GLRX3: variants seen among roughly 807,000 people sequenced by gnomAD.
GLRX3 encodes the protein glutaredoxin 3.
A neutral mutation model predicts 49.5 loss-of-function variants in GLRX3; 22 were observed. The observed-to-expected ratio is 0.44, with a 90% confidence interval of 0.32 to 0.63. The LOEUF is 0.63. Among genes scored for constraint, GLRX3 ranks in the 30% least tolerant of loss-of-function variants. The pLI is 0.05. For synonymous variants in GLRX3, 133 were observed against 140.0 expected, an observed-to-expected ratio of 0.95 and a Z score of 0.35; for missense variants, 385 against 396.3, an observed-to-expected ratio of 0.97 and a Z score of 0.24.
At chr10:130,136,969 G>T (rs2134860707) in intron 1 of GLRX3, among the ~76,000 whole-genome samples, 1 of 152,348 alleles carries the variant, frequency 6.6e-6, no homozygotes, top group South Asian at 2.1e-4. Flanking sequence ...TGCCCGCCGG[G>T]AGGGAGCGGC....
intron 8 of GLRX3, among the ~76,000 whole-genome samples, chr10:130,172,914 A>C (rs1442522759): frequency 6.6e-6 from 1 of 152,200 alleles, no homozygotes; most frequent in Non-Finnish European, 1.5e-5. Flanking sequence ...CTGCACTCCA[A>C]CCTGGGTGAC....
At chr10:130,168,530 C>T (rs79270923) in intron 6 of GLRX3, among the ~76,000 whole-genome samples, 7 of 152,264 alleles carry the variant, frequency 4.6e-5, no homozygotes, top group Admixed American at 2.6e-4. Context: ...CTGCAAGCTC[C>T]GCCTCCCGGG....
downstream of GLRX3, chr10:130,179,674 C>T: frequency 2.9e-6 from 1 of 347,400 alleles, no homozygotes; most frequent in East Asian, 7.9e-5. Context: ...ATTAACCCAC[C>T]TTAAATCTCT....
intron 4 of GLRX3, among the ~76,000 whole-genome samples, chr10:130,166,027 A>G (rs1057403862): frequency 6.6e-6 from 1 of 152,062 alleles, no homozygotes; most frequent in Non-Finnish European, 1.5e-5. Context: ...TTGCTTTATC[A>G]CTCAAACTGG....
chr10:130,173,986 G>A (rs1257466973), intron 8 of GLRX3, among the ~76,000 whole-genome samples: 1 of 152,104 alleles, frequency 6.6e-6, no homozygotes, highest in African/African-American at 2.4e-5. Context: ...AATTGCACCT[G>A]TACCCTCAGG....
chr10:130,167,319 G>T (rs904942250), intron 6 of GLRX3, among the ~76,000 whole-genome samples: 1 of 152,130 alleles, frequency 6.6e-6, no homozygotes, highest in Non-Finnish European at 1.5e-5. Context: ...CAGCACACTC[G>T]TGTTTTACTG....
At chr10:130,166,803 T>G in intron 5 of GLRX3, 116 bp from the exon 6 acceptor site, 1 of 899,198 alleles carries the variant, frequency 1.1e-6, no homozygotes, top group Non-Finnish European at 1.8e-6. Context: ...GAACCTGCAA[T>G]GAATACACAG....
intron 10 of GLRX3, among the ~76,000 whole-genome samples, chr10:130,176,346 C>T (rs1308451943): frequency 6.6e-6 from 1 of 152,114 alleles, no homozygotes; most frequent in Admixed American, 6.6e-5. Context: ...TCTTGAACTG[C>T]TGACCCCAGG....
intron 1 of GLRX3, among the ~76,000 whole-genome samples, chr10:130,136,812 C>G (rs1862062908): frequency 6.6e-6 from 1 of 152,076 alleles, no homozygotes; most frequent in South Asian, 2.1e-4. Context: ...ACCTTCCCGG[C>G]CTCTGGCCTG....
At chr10:130,138,225 T>C (rs1862103502) in intron 1 of GLRX3, among the ~76,000 whole-genome samples, 1 of 151,984 alleles carries the variant, frequency 6.6e-6, no homozygotes, top group African/African-American at 2.4e-5. Context: ...CTGGGCTAAT[T>C]TGTGTATTTT....
chr10:130,168,676 T>C (rs1016629775), intron 6 of GLRX3, among the ~76,000 whole-genome samples: 15 of 152,274 alleles, frequency 9.9e-5, no homozygotes, highest in Admixed American at 3.3e-4. Context: ...CTTGATCTCC[T>C]GACCTCGTGA....
chr10:130,168,194 C>G (rs1399404485), intron 6 of GLRX3, among the ~76,000 whole-genome samples: 1 of 152,170 alleles, frequency 6.6e-6, no homozygotes, highest in Non-Finnish European at 1.5e-5. Context: ...ATTTAAAGGG[C>G]TCCGAGTGAG....
At chr10:130,159,787 C>G (rs1289878549) in intron 2 of GLRX3, 14 of 1,308,966 alleles carry the variant, frequency 1.1e-5, no homozygotes, top group Non-Finnish European at 1.4e-5. Flanking sequence ...ATAAAAACCT[C>G]TGAACCTGTT....
intron 8 of GLRX3, 51 bp from the exon 9 acceptor site, chr10:130,174,816 A>T (rs1285431669): frequency 8.4e-7 from 1 of 1,187,124 alleles, no homozygotes; most frequent in Non-Finnish European, 1.3e-6. Flanking sequence ...TAGAGGTTTT[A>T]CACTTTGATT....
chr10:130,158,252 G>A (rs1056645004), intron 2 of GLRX3, among the ~76,000 whole-genome samples: 2 of 150,356 alleles, frequency 1.3e-5, no homozygotes, highest in East Asian at 1.9e-4. Flanking sequence ...TTGCTTAGTC[G>A]CCCAGGCTGG....
intron 10 of GLRX3, among the ~76,000 whole-genome samples, chr10:130,175,681 T>G (rs767996355): frequency 1.7e-4 from 26 of 152,252 alleles, no homozygotes; most frequent in Admixed American, 1.1e-3. Flanking sequence ...TAAGTGACTT[T>G]ACTTCTTGAT....
intron 10 of GLRX3, 58 bp from the exon 11 acceptor site, chr10:130,179,284 T>C: frequency 1.3e-6 from 1 of 797,326 alleles, no homozygotes; most frequent in Non-Finnish European, 2.1e-6. Flanking sequence ...ATTGTTTAGA[T>C]GTTTCCATCT....
intron 7 of GLRX3, 92 bp from the exon 8 acceptor site, chr10:130,171,492 A>C (rs1357443904): frequency 1.3e-6 from 1 of 783,396 alleles, no homozygotes; most frequent in Admixed American, 1.9e-5. Context: ...TATGCTGGAC[A>C]AGTGCTGTGC....
chr10:130,166,676 T>A lies in GLRX3; in HGVS notation c.648T>A (p.Ile216=). 1 of 1,593,076 alleles carries A rather than the reference T, an allele frequency of 6.3e-7. No individual in the cohort carries two copies. Among genetic ancestry groups the A allele is most frequent in the South Asian group, 1.1e-5 (1 of 90,100 alleles). The change falls in exon 5 of 11, where the codon ATT becomes ATA. Residue 216 remains isoleucine (I), a synonymous_variant. Coordinates refer to ENST00000331244, the MANE Select transcript of GLRX3 (RefSeq NM_006541.5). ...AGCTCATAGGAGGACTTGATATAATTAAGGTTAGAATTGAGAAGTCTGTGC... is the reference window on the plus strand; with the variant it reads ...AGCTCATAGGAGGACTTGATATAATAAAGGTTAGAATTGAGAAGTCTGTGC... ...SGELIGGLDI[I]KELEASEELD...
Sources: allele counts gnomAD v4.1 joint callset (sites outside exome capture counted in the v4.1 genomes callset), GRCh38; gene constraint gnomAD v4.1.1; transcripts MANE v1.5; gene names NCBI Gene and HGNC (gene_info 2026-07-23, HGNC 2026-07-21).